Variants in RORA observed in about 807,000 individuals in gnomAD.
The protein encoded by RORA is nuclear receptor ROR-alpha.
Under a neutral mutation model 69.5 loss-of-function variants are expected in RORA, and 7 were observed. That is an observed-to-expected ratio of 0.10 (90% CI 0.06 to 0.19). RORA has a LOEUF of 0.19. Among genes scored for constraint, RORA ranks in the 10% least tolerant of loss-of-function variants. The pLI is 1.00. For synonymous variants in RORA, 261 were observed against 240.8 expected, an observed-to-expected ratio of 1.08 and a Z score of -0.78; for missense variants, 457 against 663.0, an observed-to-expected ratio of 0.69 and a Z score of 3.41.
intron 1 of RORA, among the ~76,000 whole-genome samples, chr15:61,005,466 C>A (rs902419250): frequency 3.3e-5 from 5 of 152,026 alleles, no homozygotes; most frequent in African/African-American, 1.2e-4. Context: ...GGCAACAGAG[C>A]GAGACTCTGT....
chr15:60,502,743 C>T lies in RORA; in HGVS notation c.1183+17G>A. 1 of 1,494,608 alleles carries T rather than the reference C, an allele frequency of 6.7e-7. No individual in the cohort carries two copies. Among genetic ancestry groups the T allele is most frequent in the Non-Finnish European group, 9.3e-7 (1 of 1,071,896 alleles). The allele number at this position is 1,494,608 out of a possible 1,614,324, so 92.6% of individuals were successfully genotyped here. ...ATAGCCCTGATTTGAAGAAAAGGCA[C>T]CTTGATATCCCCTTACCTAAGGATT... On this transcript the variant is annotated intron_variant, in intron 8 of 10. Transcript: ENST00000335670.
intron 1 of RORA, among the ~76,000 whole-genome samples, chr15:61,070,184 G>A (rs545699829): frequency 7.9e-5 from 12 of 152,254 alleles, no homozygotes; most frequent in African/African-American, 2.9e-4. Flanking sequence ...TCCAACTTGT[G>A]CATGACTCAA....
At chr15:60,839,150 G>A (rs896854719) in intron 1 of RORA, among the ~76,000 whole-genome samples, 18 of 151,972 alleles carry the variant, frequency 1.2e-4, no homozygotes, top group African/African-American at 4.3e-4. Context: ...CACCTGCCTC[G>A]GCCTCCCAAA....
At chr15:61,062,713 A>T (rs995233901) in intron 1 of RORA, among the ~76,000 whole-genome samples, 2 of 152,194 alleles carry the variant, frequency 1.3e-5, no homozygotes, top group African/African-American at 4.8e-5. Context: ...TGGAGTGATG[A>T]GAGTGATTAC....
intron 1 of RORA, among the ~76,000 whole-genome samples, chr15:60,968,580 A>G (rs1893621868): frequency 6.6e-6 from 1 of 152,152 alleles, no homozygotes; most frequent in African/African-American, 2.4e-5. Flanking sequence ...TTGGTTTTGT[A>G]TACAAACTGG....
intron 1 of RORA, among the ~76,000 whole-genome samples, chr15:61,125,498 A>T (rs936505243): frequency 6.6e-6 from 1 of 152,274 alleles, no homozygotes; most frequent in African/African-American, 2.4e-5. Flanking sequence ...CGTGGAATTC[A>T]TGCTTATTTC....
chr15:61,070,423 C>G (rs954566867), intron 1 of RORA, among the ~76,000 whole-genome samples: 1 of 152,196 alleles, frequency 6.6e-6, no homozygotes. Context: ...GACCCCAACA[C>G]CATATAAGCA....
At chr15:61,219,617 G>A (rs1282715063) in intron 1 of RORA, among the ~76,000 whole-genome samples, 1 of 152,032 alleles carries the variant, frequency 6.6e-6, no homozygotes, top group Non-Finnish European at 1.5e-5. Flanking sequence ...GAACTTTGGA[G>A]GATCCTGGCA....
intron 1 of RORA, among the ~76,000 whole-genome samples, chr15:60,785,721 C>G (rs1339418367): frequency 6.6e-6 from 1 of 152,228 alleles, no homozygotes; most frequent in Non-Finnish European, 1.5e-5. Flanking sequence ...ATATCACACT[C>G]CCTTTGTCTG....
intron 1 of RORA, among the ~76,000 whole-genome samples, chr15:61,038,578 G>C (rs765805081): frequency 1.3e-5 from 2 of 152,242 alleles, no homozygotes; most frequent in Non-Finnish European, 2.9e-5. Context: ...GGCATGGTCA[G>C]ATGAGAATGT....
At chr15:61,214,814 G>A (rs781150593) in intron 1 of RORA, among the ~76,000 whole-genome samples, 11 of 151,352 alleles carry the variant, frequency 7.3e-5, no homozygotes, top group Non-Finnish European at 1.5e-4. Flanking sequence ...TCTTGTGGGC[G>A]AAGGGATAAT....
rs1491427727 is a variant in RORA, at chr15:60,851,723, TGA to T, written c.167-173039_167-173038del. ...AATATTATATGTGTGTGTGTGTGTG[TGA>T]GAGAGAGTGTGTGTGTGTATGAGTG... On this transcript the variant is annotated intron_variant, in intron 1 of 10. Transcript: ENST00000335670. Among the ~76,000 whole-genome samples the T allele has an allele frequency of 5.2e-3, 786 of 150,646 alleles. 8 individuals are homozygous for T. Among genetic ancestry groups the T allele is most frequent in the African/African-American group, 0.018 (732 of 41,072 alleles).
intron 1 of RORA, among the ~76,000 whole-genome samples, chr15:60,752,089 T>TAA (rs34235439): frequency 1.4e-5 from 2 of 147,030 alleles, no homozygotes; most frequent in East Asian, 2.0e-4. Flanking sequence ...TTTGACTTGC[T>TAA]AAAAAAAAAA....
At chr15:60,638,381 CTTTTCTTT>C (rs1047850078) in intron 2 of RORA, among the ~76,000 whole-genome samples, 6 of 127,600 alleles carry the variant, frequency 4.7e-5, no homozygotes, top group African/African-American at 1.9e-4. Context: ...ACTGTATTTT[CTTTTCTTT>C]TTTTTTTTTT....
rs1370975695 is a variant in RORA, at chr15:61,131,330, T to G, written c.166+97723A>C. Among the ~76,000 whole-genome samples the G allele has an allele frequency of 6.6e-6, 1 of 152,278 alleles. No individual in the cohort carries two copies. Among genetic ancestry groups the G allele is most frequent in the African/African-American group, 2.4e-5 (1 of 41,478 alleles). On this transcript the variant is annotated intron_variant, in intron 1 of 10. Transcript: ENST00000335670. The surrounding 1 kb of genome is among the most constrained non-coding windows in gnomAD (Gnocchi z 4.2). ...TAAATAAATCCATGTTTTAAAAGTT[T>G]TGAATTGTCTGTAGAAAATAAATCT...
chr15:61,082,315 C>T (rs1182134137), intron 1 of RORA, among the ~76,000 whole-genome samples: 4 of 152,240 alleles, frequency 2.6e-5, no homozygotes, highest in Non-Finnish European at 2.9e-5. Context: ...ATGGTGAAGC[C>T]CCGTCTCTAC....
At chr15:60,921,532 G>C (rs934831073) in intron 1 of RORA, among the ~76,000 whole-genome samples, 8 of 152,230 alleles carry the variant, frequency 5.3e-5, no homozygotes, top group Non-Finnish European at 4.4e-5. Flanking sequence ...GAAGGGTAGT[G>C]ACTGGCAAGG....
chr15:61,145,880 C>A (rs1373482687), intron 1 of RORA, among the ~76,000 whole-genome samples: 2 of 152,070 alleles, frequency 1.3e-5, no homozygotes, highest in African/African-American at 4.8e-5. Flanking sequence ...TATCTTAGGG[C>A]CCATTATATG....
rs2079360664 is a variant in RORA, at chr15:61,147,566, T to G, written c.166+81487A>C. On this transcript the variant is annotated intron_variant, in intron 1 of 10. Coordinates refer to ENST00000335670, the MANE Select transcript of RORA (RefSeq NM_134261.3). The surrounding 1 kb of genome is among the most constrained non-coding windows in gnomAD (Gnocchi z 4.1). Reference sequence around the variant, plus strand: ...TTGGAAGCAGGAAAAAAAGATGAAATTATTTGAGGAGAAAGTTAGCTGTCC... The same window carrying G: ...TTGGAAGCAGGAAAAAAAGATGAAAGTATTTGAGGAGAAAGTTAGCTGTCC... 6.6e-6 allele frequency among the ~76,000 whole-genome samples: 1 copy of G among 152,100 alleles called. No individual in the cohort carries two copies.
Sources: gnomAD v4.1 joint callset for allele counts (sites outside exome capture counted in the v4.1 genomes callset) on GRCh38, gnomAD v4.1.1 for gene constraint, Gnocchi (gnomAD v3.1) non-coding constraint, MANE v1.5 for transcripts, NCBI Gene and HGNC (gene_info 2026-07-23, HGNC 2026-07-21) for gene names.